The following B3GALT1 variants were observed in gnomAD, a reference collection of about 807,000 sequenced individuals.
The protein encoded by B3GALT1 is beta-1,3-galactosyltransferase 1.
Under a neutral mutation model 23.2 loss-of-function variants are expected in B3GALT1, and 10 were observed. The observed-to-expected ratio is 0.43, with a 90% CI of 0.27 to 0.73. B3GALT1 has a LOEUF of 0.73. B3GALT1 is among the 30% of genes least tolerant of loss of function. The pLI is 0.21. For synonymous variants in B3GALT1, 156 were observed against 141.5 expected, an observed-to-expected ratio of 1.10 and a Z score of -0.73; for missense variants, 299 against 405.4, an observed-to-expected ratio of 0.74 and a Z score of 2.25.
intron 2 of B3GALT1, among the ~76,000 whole-genome samples, chr2:167,587,562 A>G (rs1684603799): frequency 6.6e-6 from 1 of 152,218 alleles, no homozygotes; most frequent in South Asian, 2.1e-4. Flanking sequence ...CTAGCTTAGC[A>G]TAGTAGGAAA....
At chr2:167,858,727 G>A (rs1559005420) in intron 4 of B3GALT1, among the ~76,000 whole-genome samples, 2 of 152,170 alleles carry the variant, frequency 1.3e-5, no homozygotes, top group East Asian at 3.9e-4. Context: ...ACTGACAGCA[G>A]CTACATAAAA....
intron 3 of B3GALT1, among the ~76,000 whole-genome samples, chr2:167,708,405 A>C (rs1000212838): frequency 1.3e-5 from 2 of 152,218 alleles, no homozygotes; most frequent in Non-Finnish European, 2.9e-5. Flanking sequence ...TCACGCCTGT[A>C]ATCCCAGCAC....
At chr2:167,808,958 T>G (rs1053447576) in intron 3 of B3GALT1, among the ~76,000 whole-genome samples, 1 of 152,180 alleles carries the variant, frequency 6.6e-6, no homozygotes, top group Admixed American at 6.5e-5. Flanking sequence ...CATAGTCCCA[T>G]ATTTCTTGGA....
intron 1 of B3GALT1, among the ~76,000 whole-genome samples, chr2:167,420,545 C>T (rs972161289): frequency 6.6e-6 from 1 of 152,218 alleles, no homozygotes; most frequent in Admixed American, 6.5e-5. Context: ...ACTCATTACA[C>T]ATGGGGCTAA....
At chr2:167,356,760 C>G (rs1020834677) in intron 1 of B3GALT1, among the ~76,000 whole-genome samples, 1 of 151,716 alleles carries the variant, frequency 6.6e-6, no homozygotes. Flanking sequence ...CATATATGTA[C>G]ACACACATAT....
At chr2:167,579,284 A>C (rs1684438497) in intron 2 of B3GALT1, among the ~76,000 whole-genome samples, 1 of 151,956 alleles carries the variant, frequency 6.6e-6, no homozygotes, top group African/African-American at 2.4e-5. Flanking sequence ...TTTTTATAGA[A>C]AGAAACTCTT....
chr2:167,521,223 C>T (rs1425068791), intron 2 of B3GALT1, among the ~76,000 whole-genome samples: 5 of 152,072 alleles, frequency 3.3e-5, no homozygotes, highest in African/African-American at 9.7e-5. Flanking sequence ...CTGATAGAAG[C>T]TCTTGTAAAA....
intron 1 of B3GALT1, among the ~76,000 whole-genome samples, chr2:167,328,260 T>A (rs887716874): frequency 6.6e-6 from 1 of 152,200 alleles, no homozygotes; most frequent in Non-Finnish European, 1.5e-5. Flanking sequence ...GGATTCCTTC[T>A]TCTTCAATTT....
In B3GALT1 at chr2:167,444,097, A is replaced by C. The variant is rs540732300; in HGVS notation, c.-510-46080A>C. Among the ~76,000 whole-genome samples the C allele has an allele frequency of 2.2e-3, 337 of 152,264 alleles. 3 individuals are homozygous for C. Among genetic ancestry groups the C allele is most frequent in the Admixed American group, 4.4e-3 (68 of 15,298 alleles). The stretch of plus-strand genomic sequence containing the variant: ...CATGAAGGGCTGTTGAATTTTGTCA[A>C]AGGCCTTTTCTGCATCTATTGAGAT... On this transcript the variant is annotated intron_variant, in intron 1 of 4. Coordinates refer to ENST00000392690, the MANE Select transcript of B3GALT1 (RefSeq NM_020981.4).
At chr2:167,354,244 G>C (rs960314404) in intron 1 of B3GALT1, among the ~76,000 whole-genome samples, 1 of 151,966 alleles carries the variant, frequency 6.6e-6, no homozygotes, top group Non-Finnish European at 1.5e-5. Flanking sequence ...AATAGCTAAA[G>C]TCTCTCTTTC....
In B3GALT1 at chr2:167,301,323, C is replaced by T. The variant is rs182356485; in HGVS notation, c.-511+7989C>T. ...AAAATGAGAGAAAACAGAATGGCTG[C>T]AGAGAATATGAGAGGAAATGATGAA... On this transcript the variant is annotated intron_variant, in intron 1 of 4. Coordinates refer to ENST00000392690, the MANE Select transcript of B3GALT1 (RefSeq NM_020981.4). Among the ~76,000 whole-genome samples, 41 of 152,274 alleles carry T rather than the reference C, an allele frequency of 2.7e-4. No individual in the cohort carries two copies. The East Asian group carries it at 6.4e-3, about 24-fold the overall frequency.
intron 1 of B3GALT1, among the ~76,000 whole-genome samples, chr2:167,480,734 A>AT (rs1401581158): frequency 6.6e-6 from 1 of 152,130 alleles, no homozygotes; most frequent in Non-Finnish European, 1.5e-5. Flanking sequence ...CAGCAAGGTT[A>AT]TTTTCTTCTC....
At chr2:167,638,314 C>T (rs1437072923) in intron 2 of B3GALT1, among the ~76,000 whole-genome samples, 1 of 152,020 alleles carries the variant, frequency 6.6e-6, no homozygotes, top group Non-Finnish European at 1.5e-5. Flanking sequence ...CTAGCATTGG[C>T]ATGGCAGTCA....
intron 2 of B3GALT1, among the ~76,000 whole-genome samples, chr2:167,559,906 C>CT (rs1683938026): frequency 6.6e-6 from 1 of 152,102 alleles, no homozygotes; most frequent in African/African-American, 2.4e-5. Context: ...GGAGAACTTC[C>CT]CCAATCTAGC....
intron 1 of B3GALT1, among the ~76,000 whole-genome samples, chr2:167,323,240 A>G (rs16853424): frequency 0.063 from 9,581 of 152,112 alleles, 394 homozygotes; most frequent in East Asian, 0.14. Context: ...AATAACATTT[A>G]AAAGTGTGAG....
At chr2:167,778,766 T>A (rs79917922) in intron 3 of B3GALT1, among the ~76,000 whole-genome samples, 1 of 152,248 alleles carries the variant, frequency 6.6e-6, no homozygotes, top group African/African-American at 2.4e-5. Context: ...GTACAAATGT[T>A]TGTGGGTGGC....
At chr2:167,573,241 T>A (rs1280771257) in intron 2 of B3GALT1, among the ~76,000 whole-genome samples, 5 of 151,798 alleles carry the variant, frequency 3.3e-5, no homozygotes. Flanking sequence ...TATTTATATT[T>A]TACAGAAATA....
intron 3 of B3GALT1, among the ~76,000 whole-genome samples, chr2:167,779,413 T>A (rs1357341658): frequency 6.6e-6 from 1 of 152,200 alleles, no homozygotes; most frequent in African/African-American, 2.4e-5. Flanking sequence ...CCGACAGATT[T>A]CTTTAAGTTA....
At chr2:167,754,579 C>T (rs376213661) in intron 3 of B3GALT1, among the ~76,000 whole-genome samples, 2 of 152,090 alleles carry the variant, frequency 1.3e-5, no homozygotes, top group East Asian at 1.9e-4. Context: ...TAGCTAAAAT[C>T]AACAGAGATC....
Sources: allele counts gnomAD v4.1 joint callset (sites outside exome capture counted in the v4.1 genomes callset), GRCh38; gene constraint gnomAD v4.1.1; transcripts MANE v1.5; gene names NCBI Gene and HGNC (gene_info 2026-07-23, HGNC 2026-07-21).